The following ARHGEF4 variants were observed in gnomAD, a reference collection of about 807,000 sequenced individuals.
ARHGEF4 encodes the protein Rho guanine nucleotide exchange factor 4, also known as APC-stimulated guanine nucleotide exchange factor 1.
In ARHGEF4, 119 loss-of-function variants were observed where a neutral mutation model predicts 162.0. That is an observed-to-expected ratio of 0.73 (90% CI 0.63 to 0.86). The LOEUF is 0.86. Among genes scored for constraint, ARHGEF4 ranks in the 40% least tolerant of loss-of-function variants. The pLI, the probability that ARHGEF4 is intolerant of heterozygous loss-of-function variation, is 0.00. For missense variants in ARHGEF4, 2,488 were observed against 2,456.0 expected, an observed-to-expected ratio of 1.01 and a Z score of -0.28; for synonymous variants, 1,014 against 979.9, an observed-to-expected ratio of 1.03 and a Z score of -0.65.
At chr2:130,926,014 C>CTTTCTTTCTTTCTT (rs376311066) in intron 2 of ARHGEF4, among the ~76,000 whole-genome samples, 10,084 of 96,048 alleles carry the variant, frequency 0.1, 1,137 homozygotes, top group South Asian at 0.16. Flanking sequence ...TTGGTTTTCT[C>CTTTCTTTCTTTCTT]TCTTTCTTTC....
chr2:130,943,856 A>G (rs572337749), intron 3 of ARHGEF4, among the ~76,000 whole-genome samples: 4 of 152,316 alleles, frequency 2.6e-5, no homozygotes, highest in South Asian at 4.1e-4. Context: ...ATGGTGTGTT[A>G]TATTTACCCA....
At chr2:131,033,963 T>A (rs1426977243) in intron 5 of ARHGEF4, among the ~76,000 whole-genome samples, 1 of 152,178 alleles carries the variant, frequency 6.6e-6, no homozygotes, top group Non-Finnish European at 1.5e-5. Flanking sequence ...CCTATGCCCA[T>A]GCACACACAG....
chr2:130,962,830 A>C (rs6430473), intron 4 of ARHGEF4, among the ~76,000 whole-genome samples: 149,136 of 151,854 alleles, frequency 0.98, 73,282 homozygotes, highest in Middle Eastern at 1. Flanking sequence ...GGGGGGCAGT[A>C]AGGGGAAGGC....
At chr2:130,856,116 C>T (rs939810039) in intron 1 of ARHGEF4, among the ~76,000 whole-genome samples, 1 of 152,116 alleles carries the variant, frequency 6.6e-6, no homozygotes, top group Non-Finnish European at 1.5e-5. Flanking sequence ...TAAAGGAAGC[C>T]ATGAATAAAG....
intron 1 of ARHGEF4, among the ~76,000 whole-genome samples, chr2:130,846,825 C>T (rs918110007): frequency 1.3e-5 from 2 of 152,084 alleles, no homozygotes; most frequent in African/African-American, 2.4e-5. Flanking sequence ...GACATGAGTC[C>T]GGAGAGTCTT....
Position 130,915,840 on chromosome 2 carries a change from A to G in ARHGEF4, c.1894A>G (p.Ile632Val). ...GGCCTCGAGGGGCAGGGGCGCCCTCATCATTGTAGCTGTGGAGCAGAAAGG... is the reference window on the plus strand; with the variant it reads ...GGCCTCGAGGGGCAGGGGCGCCCTCGTCATTGTAGCTGTGGAGCAGAAAGG... ...GEASRGRGAL[I>V]IVAVEQKGLQ... The change falls in exon 2 of 14, where the codon ATC (isoleucine) becomes GTC (valine). Residue 632 changes from isoleucine (I) to valine (V), a missense_variant. Ile to Val is a conservative substitution (Grantham distance 29). Transcript: ENST00000409359. The G allele has an allele frequency of 6.5e-7, 1 of 1,536,718 alleles. No individual in the cohort carries two copies. The highest frequency in any genetic ancestry group is 8.8e-7 in the Non-Finnish European group (1 of 1,140,030).
chr2:130,916,063 G>A lies in ARHGEF4; in HGVS notation c.2117G>A (p.Arg706Gln). 1 of 1,550,184 alleles carries A rather than the reference G, an allele frequency of 6.5e-7. No homozygotes were observed. Among genetic ancestry groups the A allele is most frequent in the Non-Finnish European group, 8.7e-7 (1 of 1,146,874 alleles). The change falls in exon 2 of 14, where the codon CGG becomes CAG. Residue 706 changes from arginine to glutamine, a missense_variant. Coordinates refer to ENST00000409359, the MANE Select transcript of ARHGEF4 (RefSeq NM_001367493.1). ...IQGAGDGALQ[R>Q]VAQAAELGRV... ...GGAGCTGGCGATGGGGCTCTTCAGC[G>A]GGTGGCCCAGGCCGCAGAGCTTGGG...
intron 2 of ARHGEF4, among the ~76,000 whole-genome samples, chr2:130,930,516 A>G (rs1467958315): frequency 6.6e-6 from 1 of 152,152 alleles, no homozygotes; most frequent in Non-Finnish European, 1.5e-5. Flanking sequence ...CCTGCATTTC[A>G]GTGAGCATCA....
intron 4 of ARHGEF4, among the ~76,000 whole-genome samples, chr2:130,984,411 C>T (rs1686332513): frequency 6.6e-6 from 1 of 152,154 alleles, no homozygotes; most frequent in Non-Finnish European, 1.5e-5. Flanking sequence ...AAGTTTATGG[C>T]CAGGCGCAGT....
chr2:130,906,365 ATGT>A (rs1167519024), intron 1 of ARHGEF4, among the ~76,000 whole-genome samples: 1 of 152,198 alleles, frequency 6.6e-6, no homozygotes, highest in African/African-American at 2.4e-5. Context: ...ACACATATTT[ATGT>A]TGTTTCATTA....
intron 5 of ARHGEF4, among the ~76,000 whole-genome samples, chr2:131,028,901 G>T (rs1689652283): frequency 6.6e-6 from 1 of 152,182 alleles, no homozygotes; most frequent in Non-Finnish European, 1.5e-5. Flanking sequence ...TTTTCCTTAA[G>T]AAGAGATCAA....
chr2:130,931,313 G>A, intron 3 of ARHGEF4, 56 bp downstream of exon 3: 1 of 1,489,378 alleles, frequency 6.7e-7, no homozygotes, highest in Non-Finnish European at 9.0e-7. Flanking sequence ...CCTTCTCTCT[G>A]CAGCTGCCTG....
intron 4 of ARHGEF4, among the ~76,000 whole-genome samples, chr2:131,003,783 G>A (rs992194384): frequency 2.0e-5 from 3 of 152,210 alleles, no homozygotes; most frequent in Admixed American, 1.3e-4. Context: ...ACATAGCCTA[G>A]ATATGTCAGT....
chr2:130,907,694 C>T (rs1680913507), intron 1 of ARHGEF4, among the ~76,000 whole-genome samples: 1 of 151,924 alleles, frequency 6.6e-6, no homozygotes, highest in African/African-American at 2.4e-5. Context: ...TGGCCCACGC[C>T]TGTAATCCCA....
At chr2:131,019,845 A>G (rs1023292519) in intron 4 of ARHGEF4, among the ~76,000 whole-genome samples, 13 of 152,140 alleles carry the variant, frequency 8.5e-5, no homozygotes, top group Admixed American at 1.3e-4. Flanking sequence ...TGTGTTAGCC[A>G]GGATGGTCTC....
intron 1 of ARHGEF4, among the ~76,000 whole-genome samples, chr2:130,876,938 A>G (rs1678886181): frequency 6.6e-6 from 1 of 152,220 alleles, no homozygotes; most frequent in Non-Finnish European, 1.5e-5. Context: ...GAATATATGC[A>G]GTCATGTGTG....
chr2:130,889,811 CAAA>C (rs35297177), intron 1 of ARHGEF4, among the ~76,000 whole-genome samples: 1 of 67,666 alleles, frequency 1.5e-5, no homozygotes. Context: ...GACTCCGTCT[CAAA>C]AAAAAAAAAA....
chr2:130,862,662 G>A (rs1229796620), intron 1 of ARHGEF4, among the ~76,000 whole-genome samples: 1 of 39,256 alleles, frequency 2.5e-5, no homozygotes, highest in Non-Finnish European at 3.8e-5. Flanking sequence ...GAGGTCACGA[G>A]ATCAAGACCA....
At chr2:130,854,803 A>AG (rs556068123) in intron 1 of ARHGEF4, among the ~76,000 whole-genome samples, 112 of 152,280 alleles carry the variant, frequency 7.4e-4, no homozygotes, top group African/African-American at 2.6e-3. Flanking sequence ...GCTTCTGCCC[A>AG]GGGGGAAAGG....
Sources: gnomAD v4.1 joint callset for allele counts (sites outside exome capture counted in the v4.1 genomes callset) on GRCh38, gnomAD v4.1.1 for gene constraint, MANE v1.5 for transcripts, NCBI Gene and HGNC (gene_info 2026-07-23, HGNC 2026-07-21) for gene names.